The following TNRC6A variants were observed in gnomAD, a reference collection of about 807,000 sequenced individuals.
The protein encoded by TNRC6A is trinucleotide repeat containing adaptor 6A, also known as trinucleotide repeat-containing gene 6A protein.
A neutral mutation model predicts 221.2 loss-of-function variants in TNRC6A; 44 were observed. That is an observed-to-expected ratio of 0.20 (90% CI 0.16 to 0.26). TNRC6A has a LOEUF of 0.26. Ranked by LOEUF, TNRC6A falls within the 10% of genes least tolerant of loss-of-function variation. The pLI, the probability that TNRC6A is intolerant of heterozygous loss-of-function variation, is 1.00. For synonymous variants in TNRC6A, 847 were observed against 838.5 expected, an observed-to-expected ratio of 1.01 and a Z score of -0.18; for missense variants, 2,199 against 2,404.4, an observed-to-expected ratio of 0.91 and a Z score of 1.79.
intron 5 of TNRC6A, among the ~76,000 whole-genome samples, chr16:24,788,648 C>CT (rs10564095): frequency 0.016 from 1,898 of 115,218 alleles, 30 homozygotes; most frequent in Admixed American, 0.024. Context: ...CTCCAAAATT[C>CT]TTTTTTTTTT....
chr16:24,783,104 A>G (rs1470156465), intron 5 of TNRC6A, among the ~76,000 whole-genome samples: 1 of 152,180 alleles, frequency 6.6e-6, no homozygotes, highest in Non-Finnish European at 1.5e-5. Context: ...CCATGGATCT[A>G]AATTCTTCCT....
At chr16:24,670,935 G>A (rs1303212419) in intron 2 of TNRC6A, 1 of 374,782 alleles carries the variant, frequency 2.7e-6, no homozygotes, top group Non-Finnish European at 5.6e-6. Context: ...ACATGATGCT[G>A]ACAGGGGGTA....
At chr16:24,747,112 C>T (rs890842081) in intron 2 of TNRC6A, among the ~76,000 whole-genome samples, 4 of 152,002 alleles carry the variant, frequency 2.6e-5, no homozygotes, top group East Asian at 1.9e-4. Flanking sequence ...TTTTTCAGAT[C>T]GAGATATTGC....
chr16:24,622,474 GCCTGTAATC>G (rs1900726930), intron 1 of TNRC6A, among the ~76,000 whole-genome samples: 1 of 152,024 alleles, frequency 6.6e-6, no homozygotes, highest in Admixed American at 6.6e-5. Flanking sequence ...GGTGGTGCGT[GCCTGTAATC>G]CCTGGGAGGC....
chr16:24,636,496 G>A (rs903802480), intron 1 of TNRC6A, among the ~76,000 whole-genome samples: 2 of 151,620 alleles, frequency 1.3e-5, no homozygotes, highest in African/African-American at 2.4e-5. Flanking sequence ...TTATGCTCTC[G>A]AGTATTTAGG....
intron 3 of TNRC6A, among the ~76,000 whole-genome samples, chr16:24,758,067 A>G (rs2057288935): frequency 1.3e-5 from 2 of 152,214 alleles, no homozygotes; most frequent in South Asian, 4.1e-4. Flanking sequence ...AAAAAATTAT[A>G]TACTGTCATA....
In TNRC6A at chr16:24,698,225, C is replaced by A. The variant is rs372276618; in HGVS notation, n.403-52501C>A. Among the ~76,000 whole-genome samples the A allele has an allele frequency of 6.6e-5, 10 of 152,176 alleles. No individual in the cohort carries two copies. The East Asian group carries it at 1.9e-3, about 29-fold the overall frequency. ...CTCAGGCCTGCCCCAGATTCCAAAT[C>A]AGAATCTACAGGGTCCTCAATGGAT... On this transcript the variant is annotated intron_variant and non_coding_transcript_variant, in intron 2 of 2. Coordinates refer to the TNRC6A transcript ENST00000566108.
At chr16:24,733,553 C>T (rs1406434467) in intron 2 of TNRC6A, among the ~76,000 whole-genome samples, 1 of 152,118 alleles carries the variant, frequency 6.6e-6, no homozygotes. Context: ...TTTTGAAAGG[C>T]AGATAAAAGG....
chr16:24,815,092 GAAAT>G (rs2058628032), intron 18 of TNRC6A, 51 bp from the exon 19 acceptor site: 2 of 1,581,626 alleles, frequency 1.3e-6, no homozygotes, highest in East Asian at 2.3e-5. Context: ...AAAGCTATAA[GAAAT>G]AAATCTGTGT....
At chr16:24,640,336 G>C (rs182205727) in intron 1 of TNRC6A, among the ~76,000 whole-genome samples, 1 of 151,698 alleles carries the variant, frequency 6.6e-6, no homozygotes, top group East Asian at 1.9e-4. Flanking sequence ...GGAGGCCAAG[G>C]CTGCAGTGGG....
intron 1 of TNRC6A, among the ~76,000 whole-genome samples, chr16:24,617,505 T>C (rs1177835613): frequency 1.3e-5 from 2 of 152,200 alleles, no homozygotes; most frequent in Non-Finnish European, 2.9e-5. Flanking sequence ...GCCTTTTGAC[T>C]CAGATCAAAT....
intron 3 of TNRC6A, among the ~76,000 whole-genome samples, chr16:24,756,466 C>G (rs910094322): frequency 2.0e-5 from 3 of 152,204 alleles, no homozygotes; most frequent in East Asian, 3.8e-4. Flanking sequence ...CTACTACTTT[C>G]ATTCCTTGTA....
intron 2 of TNRC6A, among the ~76,000 whole-genome samples, chr16:24,698,140 C>A (rs1015485943): frequency 5.3e-5 from 8 of 151,774 alleles, no homozygotes; most frequent in African/African-American, 1.7e-4. Context: ...CCAGCCTGGG[C>A]AACATAGCGA....
At chr16:24,770,614 T>C (rs759132260) in intron 4 of TNRC6A, among the ~76,000 whole-genome samples, 11 of 152,194 alleles carry the variant, frequency 7.2e-5, no homozygotes, top group Non-Finnish European at 1.3e-4. Flanking sequence ...TTACCTAAAA[T>C]GAAGTTTCTC....
chr16:24,693,155 T>G (rs146850034), intron 2 of TNRC6A, among the ~76,000 whole-genome samples: 43 of 152,168 alleles, frequency 2.8e-4, no homozygotes, highest in African/African-American at 9.6e-4. Flanking sequence ...ACACCAAACT[T>G]TGTGTTCTCT....
chr16:24,806,018 A>G (rs1313842211), intron 15 of TNRC6A, among the ~76,000 whole-genome samples, 188 bp from the exon 16 acceptor site: 1 of 152,212 alleles, frequency 6.6e-6, no homozygotes, highest in African/African-American at 2.4e-5. Context: ...AGATTGAACT[A>G]AAGACTGAAT....
chr16:24,716,646 CA>C (rs2056317848), intron 2 of TNRC6A, among the ~76,000 whole-genome samples: 1 of 151,788 alleles, frequency 6.6e-6, no homozygotes, highest in Non-Finnish European at 1.5e-5. Flanking sequence ...GCTTGGGTGA[CA>C]AAGTGAGACC....
intron 4 of TNRC6A, among the ~76,000 whole-genome samples, chr16:24,760,059 C>G: frequency 6.6e-6 from 1 of 152,166 alleles, no homozygotes; most frequent in Non-Finnish European, 1.5e-5. Flanking sequence ...TTAATCTAAC[C>G]TCCCTTGACC....
intron 2 of TNRC6A, among the ~76,000 whole-genome samples, chr16:24,644,538 C>G (rs974771016): frequency 6.6e-6 from 1 of 152,162 alleles, no homozygotes; most frequent in Non-Finnish European, 1.5e-5. Flanking sequence ...AAGCGATCCT[C>G]CCGCATCAGC....
Sources: gnomAD v4.1 joint callset for allele counts (sites outside exome capture counted in the v4.1 genomes callset) on GRCh38, gnomAD v4.1.1 for gene constraint, MANE v1.5 for transcripts, NCBI Gene and HGNC (gene_info 2026-07-23, HGNC 2026-07-21) for gene names.